The following IPO11 variants were observed in gnomAD, a reference collection of about 807,000 sequenced individuals.
IPO11 encodes importin 11, also known as importin-11.
Under a neutral mutation model 143.2 loss-of-function variants are expected in IPO11, and 66 were observed. That is an observed-to-expected ratio of 0.46 (90% CI 0.38 to 0.57). The LOEUF (loss-of-function observed/expected upper bound fraction) is 0.57, where lower values mean the gene tolerates loss of function less well. IPO11 is among the 20% of genes least tolerant of loss of function. The pLI is 0.00. For missense variants in IPO11, 1,026 were observed against 1,141.0 expected (o/e 0.90, Z 1.45); for synonymous variants, 385 against 377.8 (o/e 1.02, Z -0.22).
intron 27 of IPO11, among the ~76,000 whole-genome samples, chr5:62,574,018 A>C (rs1744230990): frequency 6.6e-6 from 1 of 152,198 alleles, no homozygotes. Flanking sequence ...CCTGGTCCTT[A>C]AGGCATCCCA....
intron 27 of IPO11, among the ~76,000 whole-genome samples, 194 bp downstream of exon 27, chr5:62,561,451 G>T (rs1229844437): frequency 6.6e-6 from 1 of 151,642 alleles, no homozygotes; most frequent in Non-Finnish European, 1.5e-5. Context: ...GGTACTGTTG[G>T]ATTGTGGGGG....
intron 19 of IPO11, chr5:62,512,168 A>C: frequency 9.3e-7 from 1 of 1,078,528 alleles, no homozygotes; most frequent in South Asian, 1.3e-5. Context: ...AGGCAACATA[A>C]TAATGTTATC....
At chr5:62,565,766 C>G (rs957729469) in intron 27 of IPO11, among the ~76,000 whole-genome samples, 30 of 151,756 alleles carry the variant, frequency 2.0e-4, no homozygotes, top group African/African-American at 6.8e-4. Flanking sequence ...TAATGCTCAA[C>G]CTCCCCTCCC....
intron 20 of IPO11, among the ~76,000 whole-genome samples, chr5:62,517,654 T>C (rs966361058): frequency 1.3e-5 from 2 of 152,156 alleles, no homozygotes; most frequent in Non-Finnish European, 2.9e-5. Context: ...TTGCTTGCCT[T>C]GGCCTCCCAA....
chr5:62,579,801 A>C, intron 27 of IPO11: 1 of 1,544,044 alleles, frequency 6.5e-7, no homozygotes, highest in Non-Finnish European at 8.8e-7. Flanking sequence ...ATTTCATCAA[A>C]CGCTTAGATC....
rs1744854511 is a variant in IPO11, at chr5:62,449,983, A to G, written c.296A>G (p.Asn99Ser). ...TLRAGLITNF[N>S]EPINQIATQI... is the part of the protein sequence containing the mutation. ...CGTGCAGGGCTCATCACCAACTTCA[A>G]TGAACCAATAAACCAGGTTAGTGAG... The change falls in exon 4 of 30, where the codon AAT becomes AGT. Residue 99 changes from asparagine (N) to serine (S), a missense_variant. Asn to Ser is a conservative substitution (Grantham distance 46). Coordinates refer to ENST00000325324, the MANE Select transcript of IPO11 (RefSeq NM_016338.5). 10 of 1,599,070 alleles carry G rather than the reference A, an allele frequency of 6.3e-6. No homozygotes were observed. Among genetic ancestry groups the G allele is most frequent in the South Asian group, 3.4e-5 (3 of 87,022 alleles).
chr5:62,541,071 T>A (rs983037545), intron 24 of IPO11, among the ~76,000 whole-genome samples: 7 of 152,214 alleles, frequency 4.6e-5, no homozygotes, highest in African/African-American at 1.7e-4. Context: ...TTTAAAATAA[T>A]TAATAATTGT....
chr5:62,541,542 A>G (rs1561355123), intron 24 of IPO11, among the ~76,000 whole-genome samples: 1 of 151,786 alleles, frequency 6.6e-6, no homozygotes. Context: ...TTAGCTGAGC[A>G]TGGTGGTGTG....
At chr5:62,435,102 A>ATATATGTATATATATGTATATATG (rs1561308767) in intron 1 of IPO11, among the ~76,000 whole-genome samples, 6 of 67,168 alleles carry the variant, frequency 8.9e-5, no homozygotes, top group African/African-American at 3.4e-4. Context: ...GTATATATGT[A>ATATATGTATATATATGTATATATG]TATATATGTA....
At chr5:62,573,852 G>A (rs188642006) in intron 27 of IPO11, among the ~76,000 whole-genome samples, 9 of 152,284 alleles carry the variant, frequency 5.9e-5, no homozygotes, top group South Asian at 2.1e-4. Flanking sequence ...CCTCTCAGCC[G>A]TATTGGGTGG....
At chr5:62,585,861 A>G (rs1286359122) in intron 27 of IPO11, among the ~76,000 whole-genome samples, 1 of 152,218 alleles carries the variant, frequency 6.6e-6, no homozygotes, top group Admixed American at 6.5e-5. Flanking sequence ...TGAATTGAGT[A>G]AATGGAAGGG....
intron 27 of IPO11, among the ~76,000 whole-genome samples, chr5:62,577,864 TA>T (rs1744377970): frequency 6.6e-6 from 1 of 152,134 alleles, no homozygotes; most frequent in African/African-American, 2.4e-5. Flanking sequence ...TATAACTTGA[TA>T]TTTTAGGAAT....
At chr5:62,445,636 A>G (rs1345617459) in intron 3 of IPO11, among the ~76,000 whole-genome samples, 1 of 152,140 alleles carries the variant, frequency 6.6e-6, no homozygotes, top group Non-Finnish European at 1.5e-5. Context: ...ATAAATTAAC[A>G]TGAGATATTT....
chr5:62,447,700 T>C (rs1320023296), intron 3 of IPO11, among the ~76,000 whole-genome samples: 2 of 151,908 alleles, frequency 1.3e-5, no homozygotes, highest in Non-Finnish European at 2.9e-5. Flanking sequence ...ATCCTCCCAC[T>C]GCAGCCTCTG....
At chr5:62,442,177 A>G (rs561619736) in intron 2 of IPO11, among the ~76,000 whole-genome samples, 97 of 152,278 alleles carry the variant, frequency 6.4e-4, no homozygotes, top group African/African-American at 2.2e-3. Context: ...AATTGTTTTG[A>G]TAAGGAGGGT....
At chr5:62,437,083 C>T (rs1744270344) in intron 1 of IPO11, among the ~76,000 whole-genome samples, 191 bp from the exon 2 acceptor site, 1 of 151,774 alleles carries the variant, frequency 6.6e-6, no homozygotes, top group Non-Finnish European at 1.5e-5. Flanking sequence ...TTGATTTAAG[C>T]AAAAATAATT....
At chr5:62,534,300 C>T (rs573812910) in intron 22 of IPO11, among the ~76,000 whole-genome samples, 3 of 152,178 alleles carry the variant, frequency 2.0e-5, no homozygotes, top group African/African-American at 7.2e-5. Flanking sequence ...ATTGCAAATG[C>T]AACACTAATG....
chr5:62,623,155 G>A (rs1746434238), intron 29 of IPO11, among the ~76,000 whole-genome samples: 1 of 152,090 alleles, frequency 6.6e-6, no homozygotes, highest in Non-Finnish European at 1.5e-5. Flanking sequence ...AGAAAAGAAG[G>A]GAATTTTTAA....
intron 29 of IPO11, among the ~76,000 whole-genome samples, chr5:62,606,478 C>CA (rs1247019805): frequency 2.3e-5 from 1 of 43,926 alleles, no homozygotes; most frequent in Non-Finnish European, 3.6e-5. Context: ...GAGACCCTGT[C>CA]TTAAAAAAAA....
Sources: allele counts gnomAD v4.1 joint callset (sites outside exome capture counted in the v4.1 genomes callset), GRCh38; gene constraint gnomAD v4.1.1; transcripts MANE v1.5; gene names NCBI Gene and HGNC (gene_info 2026-07-23, HGNC 2026-07-21).